The following CYBRD1 variants were observed in gnomAD, a reference collection of about 807,000 sequenced individuals.
CYBRD1 encodes plasma membrane ascorbate-dependent reductase CYBRD1.
A neutral mutation model predicts 21.9 loss-of-function variants in CYBRD1; 14 were observed. The ratio of observed to expected loss-of-function variants is 0.64; its 90% CI spans 0.42 to 1.00. The LOEUF (loss-of-function observed/expected upper bound fraction) is 1.00, where lower values mean the gene tolerates loss of function less well. Ranked by LOEUF, CYBRD1 falls within the 50% of genes least tolerant of loss-of-function variation. The probability of loss-of-function intolerance (pLI) is 0.00; values close to 1 mark genes in which losing one functional copy is unlikely to be tolerated. For synonymous variants in CYBRD1, 146 were observed against 136.5 expected, an observed-to-expected ratio of 1.07 and a Z score of -0.48; for missense variants, 328 against 352.5, an observed-to-expected ratio of 0.93 and a Z score of 0.56.
chr2:171,553,200 T>A lies in CYBRD1; in HGVS notation c.403-146T>A. 3 of 842,646 alleles carry A rather than the reference T, an allele frequency of 3.6e-6. No individual in the cohort carries two copies. In the South Asian group the frequency reaches 5.2e-5, roughly 15 times the overall value. 52.2% of individuals were successfully genotyped at this position (842,646 alleles called of 1,614,324 possible). ...TGATAAAAGGGGTTACATTAGGTAG[T>A]GGAACTGGAGCGAGGAAACTTCATT... On this transcript the variant is annotated intron_variant, in intron 2 of 3. Coordinates refer to ENST00000321348, the MANE Select transcript of CYBRD1 (RefSeq NM_024843.4).
intron 1 of CYBRD1, among the ~76,000 whole-genome samples, chr2:171,532,711 G>A (rs368183084): frequency 3.7e-4 from 57 of 152,016 alleles, no homozygotes; most frequent in African/African-American, 1.2e-3. Flanking sequence ...TGAGGCAGGA[G>A]AATATCTTGA....
intron 2 of CYBRD1, among the ~76,000 whole-genome samples, chr2:171,544,678 G>C (rs1697683841): frequency 6.6e-6 from 1 of 152,056 alleles, no homozygotes; most frequent in Admixed American, 6.6e-5. Flanking sequence ...ACCATTTATT[G>C]AATCATCTCT....
chr2:171,545,110 G>A (rs1370210235), intron 2 of CYBRD1, among the ~76,000 whole-genome samples: 1 of 143,962 alleles, frequency 6.9e-6, no homozygotes, highest in African/African-American at 2.6e-5. Context: ...CTGAACTCCA[G>A]CCTGGGTGAC....
chr2:171,522,577 C>A lies in CYBRD1; in HGVS notation c.32C>A (p.Ala11Glu). 4 of 1,610,030 alleles carry A rather than the reference C, an allele frequency of 2.5e-6. No individual in the cohort carries two copies. The highest frequency in any genetic ancestry group is 3.4e-6 in the Non-Finnish European group (4 of 1,178,660). The change falls in exon 1 of 4, where the codon GCG becomes GAG. Residue 11 changes from alanine (A) to glutamate (E), a missense_variant. Coordinates refer to ENST00000321348, the MANE Select transcript of CYBRD1 (RefSeq NM_024843.4). The surrounding 1 kb of genome is among the most constrained non-coding windows in gnomAD (Gnocchi z 4.3). ...ATGGAGGGCTACTGGCGCTTCCTGG[C>A]GCTGCTGGGGTCGGCACTGCTCGTC... MAMEGYWRFLALLGSALLVGF... is the reference protein window; with the variant it reads MAMEGYWRFLELLGSALLVGF...
chr2:171,554,915 C>A lies in CYBRD1; in HGVS notation c.*88C>A. ...TCCTATTAGCCATATGATAATTGGG[C>A]TATGTAGTATCAATATTTACTTTAA... On this transcript the variant is annotated 3_prime_UTR_variant, in exon 4 of 4. Coordinates refer to ENST00000321348, the MANE Select transcript of CYBRD1 (RefSeq NM_024843.4). The A allele has an allele frequency of 1.5e-6, 2 of 1,330,896 alleles. No homozygotes were observed. The highest frequency in any genetic ancestry group is 2.1e-6 in the Non-Finnish European group (2 of 938,188). The allele number at this position is 1,330,896 out of a possible 1,614,324, so 82.4% of individuals were successfully genotyped here.
chr2:171,542,543 T>G (rs1697650359), intron 2 of CYBRD1, among the ~76,000 whole-genome samples: 1 of 152,020 alleles, frequency 6.6e-6, no homozygotes, highest in Non-Finnish European at 1.5e-5. Flanking sequence ...GAGAGACTGA[T>G]CTAACAATTA....
At chr2:171,542,193 A>C (rs991494757) in intron 2 of CYBRD1, among the ~76,000 whole-genome samples, 13 of 152,156 alleles carry the variant, frequency 8.5e-5, no homozygotes, top group Non-Finnish European at 1.8e-4. Context: ...CATTCTTTAC[A>C]TTTGTTTCTA....
chr2:171,540,335 T>C (rs1254785522), intron 1 of CYBRD1, among the ~76,000 whole-genome samples: 2 of 152,222 alleles, frequency 1.3e-5, no homozygotes, highest in Non-Finnish European at 2.9e-5. Flanking sequence ...TGGGTCTAGT[T>C]CTAGTTGTAG....
intron 1 of CYBRD1, among the ~76,000 whole-genome samples, chr2:171,538,255 A>G (rs899126742): frequency 1.3e-5 from 2 of 152,092 alleles, no homozygotes; most frequent in African/African-American, 4.8e-5. Context: ...CAAGAATGAA[A>G]CTCCATCTCA....
intron 2 of CYBRD1, among the ~76,000 whole-genome samples, chr2:171,543,845 C>G (rs1697673120): frequency 1.3e-5 from 2 of 152,080 alleles, no homozygotes. Flanking sequence ...AAATATGCCA[C>G]AAATTTACTT....
intron 1 of CYBRD1, among the ~76,000 whole-genome samples, chr2:171,526,154 G>C (rs1361921265): frequency 6.6e-6 from 1 of 151,630 alleles, no homozygotes; most frequent in African/African-American, 2.4e-5. Flanking sequence ...GTAATCCCAG[G>C]TACTCAGGAG....
rs1465871839 is a variant in CYBRD1, at chr2:171,558,084, A to AT, written c.*3263dup. ...AATTTTGTAGGAAAAATATGCATCT[A>AT]TTTTTTCTTGACTTCTTTTATATAG... is the stretch of plus-strand genomic sequence containing the variant. On this transcript the variant is annotated 3_prime_UTR_variant, in exon 4 of 4. Coordinates refer to ENST00000321348, the MANE Select transcript of CYBRD1 (RefSeq NM_024843.4). 2 of 151,418 alleles carry AT rather than the reference A, an allele frequency of 1.3e-5. No individual in the cohort carries two copies. The highest frequency in any genetic ancestry group is 4.9e-5 in the African/African-American group (2 of 41,210). 9.4% of individuals were successfully genotyped at this position (151,418 alleles called of 1,614,324 possible). A position where few individuals can be genotyped will look rare whatever the true frequency, so the allele number is the denominator to read the frequency against.
In CYBRD1 at chr2:171,556,105, A is replaced by T. The variant is rs1683484661; in HGVS notation, c.*1278A>T. 6.6e-6 allele frequency: 1 copy of T among 152,218 alleles called. No individual in the cohort carries two copies. The highest frequency in any genetic ancestry group is 6.5e-5 in the Admixed American group (1 of 15,278). 9.4% of individuals were successfully genotyped at this position (152,218 alleles called of 1,614,324 possible). On this transcript the variant is annotated 3_prime_UTR_variant, in exon 4 of 4. Coordinates refer to ENST00000321348, the MANE Select transcript of CYBRD1 (RefSeq NM_024843.4). ...CCAACAAGCCATGGCCTACCTTGAC[A>T]CTTGTTTGATCTTAAAATTGTGTCT...
chr2:171,533,066 C>T (rs1009383726), intron 1 of CYBRD1, among the ~76,000 whole-genome samples: 1 of 151,610 alleles, frequency 6.6e-6, no homozygotes, highest in Admixed American at 6.6e-5. Flanking sequence ...TATTCCTGTG[C>T]TTTATTTAGA....
At position 171,554,879 on chromosome 2, in the gene CYBRD1, A is replaced by G. The variant is rs752995999; in HGVS notation, c.*52A>G. ...CGTCACGTTTCAAAACTAGCTCTAC[A>G]GTTTTGCTTCTCCTATTAGCCATAT... On this transcript the variant is annotated 3_prime_UTR_variant, in exon 4 of 4. Coordinates refer to ENST00000321348, the MANE Select transcript of CYBRD1 (RefSeq NM_024843.4). The G allele has an allele frequency of 1.1e-5, 17 of 1,590,380 alleles. No homozygotes were observed. In the African/African-American group the frequency reaches 1.3e-4, roughly 13 times the overall value.
chr2:171,523,591 C>T (rs1219895118), intron 1 of CYBRD1, among the ~76,000 whole-genome samples: 8 of 152,220 alleles, frequency 5.3e-5, no homozygotes, highest in Non-Finnish European at 1.0e-4. Context: ...GATGCCTCTG[C>T]TCGGGATGCC....
At position 171,557,787 on chromosome 2, in the gene CYBRD1, G is replaced by A. The variant is rs1683514864; in HGVS notation, c.*2960G>A. On this transcript the variant is annotated 3_prime_UTR_variant, in exon 4 of 4. Coordinates refer to ENST00000321348, the MANE Select transcript of CYBRD1 (RefSeq NM_024843.4). The stretch of plus-strand genomic sequence containing the variant: ...TGGAAATTCCAGTGCAGCACTGATT[G>A]ACCACAGTTGCCAATCTAAAAGCAC... 6.6e-6 allele frequency: 1 copy of A among 152,140 alleles called. No homozygotes were observed. The highest frequency in any genetic ancestry group is 1.5e-5 in the Non-Finnish European group (1 of 68,030). The allele number at this position is 152,140 out of a possible 1,614,324, so 9.4% of individuals were successfully genotyped here. A position where few individuals can be genotyped will look rare whatever the true frequency, so the allele number is the denominator to read the frequency against.
At chr2:171,553,292 A>G in intron 2 of CYBRD1, 54 bp from the exon 3 acceptor site, 1 of 1,591,036 alleles carries the variant, frequency 6.3e-7, no homozygotes. Flanking sequence ...AATAATTTAA[A>G]ATTAGTTTAG....
Position 171,555,725 on chromosome 2 carries a change from C to T in CYBRD1, c.*898C>T, listed in dbSNP as rs1434708624. 1 of 152,176 alleles carries T rather than the reference C, an allele frequency of 6.6e-6. No individual in the cohort carries two copies. The highest frequency in any genetic ancestry group is 1.5e-5 in the Non-Finnish European group (1 of 68,050). The allele number at this position is 152,176 out of a possible 1,614,324, so 9.4% of individuals were successfully genotyped here. The stretch of plus-strand genomic sequence containing the variant: ...CTTTACACATATTAGCTCATTCAGT[C>T]CCCAGACAGACGGGATGAAGTAGGT... On this transcript the variant is annotated 3_prime_UTR_variant, in exon 4 of 4. Coordinates refer to ENST00000321348, the MANE Select transcript of CYBRD1 (RefSeq NM_024843.4).
Sources: gnomAD v4.1 joint callset for allele counts (sites outside exome capture counted in the v4.1 genomes callset) on GRCh38, gnomAD v4.1.1 for gene constraint, Gnocchi (gnomAD v3.1) non-coding constraint, MANE v1.5 for transcripts, NCBI Gene and HGNC (gene_info 2026-07-23, HGNC 2026-07-21) for gene names.